TOX2: variants seen among roughly 807,000 people sequenced by gnomAD.
The protein encoded by TOX2 is granulosa cell HMG box 1.
Under a neutral mutation model 47.4 loss-of-function variants are expected in TOX2, and 15 were observed. The observed-to-expected ratio is 0.32, with a 90% confidence interval of 0.21 to 0.49. TOX2 has a LOEUF of 0.49. Ranked by LOEUF, TOX2 falls within the 20% of genes least tolerant of loss-of-function variation. TOX2 has a pLI of 0.99. For missense variants in TOX2, 622 were observed against 673.1 expected (o/e 0.92, Z 0.84); for synonymous variants, 290 against 296.6 (o/e 0.98, Z 0.23).
At chr20:43,983,520 C>T (rs1213049469) in intron 2 of TOX2, among the ~76,000 whole-genome samples, 2 of 152,164 alleles carry the variant, frequency 1.3e-5, no homozygotes, top group African/African-American at 4.8e-5. Flanking sequence ...CTTGCGGCCT[C>T]AAAGTCACAG....
intron 1 of TOX2, among the ~76,000 whole-genome samples, chr20:43,937,918 A>G (rs1350480051): frequency 6.6e-6 from 1 of 152,090 alleles, no homozygotes; most frequent in Non-Finnish European, 1.5e-5. Flanking sequence ...AAATGGGAGG[A>G]GTCTGGAGTG....
intron 1 of TOX2, among the ~76,000 whole-genome samples, chr20:43,917,515 G>T (rs1181296810): frequency 6.6e-6 from 1 of 152,160 alleles, no homozygotes; most frequent in Admixed American, 6.5e-5. Flanking sequence ...CGTTGCACAG[G>T]GAGCCAGGCT....
chr20:43,938,505 A>AG (rs2069358483), intron 1 of TOX2, among the ~76,000 whole-genome samples: 1 of 152,184 alleles, frequency 6.6e-6, no homozygotes, highest in African/African-American at 2.4e-5. Context: ...GTGCACTAGG[A>AG]GTTATCAGGA....
chr20:43,995,742 T>G (rs941328306), intron 2 of TOX2, among the ~76,000 whole-genome samples: 1 of 152,214 alleles, frequency 6.6e-6, no homozygotes, highest in East Asian at 1.9e-4. Flanking sequence ...AGCTCTCACT[T>G]GTGAGTGAGA....
chr20:43,924,401 T>A (rs1476090182), intron 1 of TOX2, among the ~76,000 whole-genome samples: 1 of 152,172 alleles, frequency 6.6e-6, no homozygotes, highest in African/African-American at 2.4e-5. Flanking sequence ...AGGGTGGGAT[T>A]CCAGAGTCCT....
At chr20:43,957,810 C>T (rs764558186) in intron 1 of TOX2, among the ~76,000 whole-genome samples, 12 of 152,080 alleles carry the variant, frequency 7.9e-5, no homozygotes, top group African/African-American at 1.4e-4. Flanking sequence ...AACTTACAAC[C>T]GTGGCAGAAG....
intron 2 of TOX2, among the ~76,000 whole-genome samples, chr20:44,001,088 T>C (rs1229856501): frequency 6.6e-6 from 1 of 152,220 alleles, no homozygotes. Flanking sequence ...ATTTTACTAA[T>C]ATTTTTAACT....
chr20:44,060,646 G>A (rs996668394), intron 5 of TOX2, among the ~76,000 whole-genome samples: 7 of 152,116 alleles, frequency 4.6e-5, no homozygotes, highest in African/African-American at 1.7e-4. Context: ...TAAATAACCT[G>A]CTCCTGAATG....
chr20:44,051,438 A>G lies in TOX2; in HGVS notation c.544A>G (p.Ile182Val), dbSNP rs368511505. The change falls in exon 4 of 9, where the codon ATC becomes GTC. Residue 182 changes from isoleucine to valine, a missense_variant. Coordinates refer to ENST00000341197, the MANE Select transcript of TOX2 (RefSeq NM_001098797.2). Reference sequence around the variant, plus strand: ...GTCCCAGCTCATCTCGCAGATGGGCATCCGGAGCAGCATCGCCCACAGCTC... The same window carrying G: ...GTCCCAGCTCATCTCGCAGATGGGCGTCCGGAGCAGCATCGCCCACAGCTC... ...SQSQLISQMG[I>V]RSSIAHSSPS... The G allele has an allele frequency of 4.4e-5, 71 of 1,613,974 alleles. No homozygotes were observed. Among genetic ancestry groups the G allele is most frequent in the Non-Finnish European group, 6.0e-5 (71 of 1,179,986 alleles).
At chr20:44,067,269 G>A (rs904479672) in intron 8 of TOX2, among the ~76,000 whole-genome samples, 1 of 152,100 alleles carries the variant, frequency 6.6e-6, no homozygotes, top group Admixed American at 6.5e-5. Context: ...AGGACAGGGT[G>A]GGGGAAGGAG....
chr20:43,993,979 C>T (rs2070417455), intron 2 of TOX2, among the ~76,000 whole-genome samples: 1 of 151,546 alleles, frequency 6.6e-6, no homozygotes, highest in African/African-American at 2.4e-5. Context: ...ATAGCAAGAC[C>T]CGGTCTCTAC....
At chr20:43,927,841 G>A in intron 1 of TOX2, among the ~76,000 whole-genome samples, 1 of 142,710 alleles carries the variant, frequency 7.0e-6, no homozygotes, top group Admixed American at 7.4e-5. Context: ...ACTGCCTGCT[G>A]TATGCAAGGC....
At chr20:43,942,507 AT>A (rs2069414669) in intron 1 of TOX2, among the ~76,000 whole-genome samples, 1 of 152,252 alleles carries the variant, frequency 6.6e-6, no homozygotes, top group East Asian at 1.9e-4. Context: ...GTGAGACCCT[AT>A]TTTTACAAAA....
intron 3 of TOX2, among the ~76,000 whole-genome samples, chr20:44,009,607 C>T (rs1431622887): frequency 6.6e-6 from 1 of 152,174 alleles, no homozygotes; most frequent in Non-Finnish European, 1.5e-5. Flanking sequence ...TGGCAATGAG[C>T]TTGAGCAGTA....
intron 5 of TOX2, among the ~76,000 whole-genome samples, chr20:44,061,155 A>T (rs2071711826): frequency 6.6e-6 from 1 of 152,124 alleles, no homozygotes; most frequent in Non-Finnish European, 1.5e-5. Flanking sequence ...CCTAGAGGAG[A>T]TGGATAAATT....
chr20:44,017,319 G>A (rs756364477), intron 3 of TOX2, among the ~76,000 whole-genome samples: 8 of 152,196 alleles, frequency 5.3e-5, no homozygotes, highest in South Asian at 2.1e-4. Flanking sequence ...AGCTGTGGAC[G>A]ATTGAAAGAT....
intron 6 of TOX2, among the ~76,000 whole-genome samples, chr20:44,065,154 GT>G (rs1454299528): frequency 6.6e-6 from 1 of 152,222 alleles, no homozygotes; most frequent in East Asian, 1.9e-4. Flanking sequence ...AGTTTTGCCA[GT>G]TTTATGTGGC....
intron 1 of TOX2, among the ~76,000 whole-genome samples, chr20:43,969,874 G>T (rs1237391331): frequency 6.6e-6 from 1 of 152,204 alleles, no homozygotes; most frequent in African/African-American, 2.4e-5. Flanking sequence ...GAATAAAGGA[G>T]TGAATGAATA....
chr20:43,947,960 G>A (rs1285312417), intron 1 of TOX2, among the ~76,000 whole-genome samples: 1 of 152,230 alleles, frequency 6.6e-6, no homozygotes, highest in Non-Finnish European at 1.5e-5. Flanking sequence ...AGCTGAGCCA[G>A]GTTTAAGACC....
Sources: gnomAD v4.1 joint callset for allele counts (sites outside exome capture counted in the v4.1 genomes callset) on GRCh38, gnomAD v4.1.1 for gene constraint, MANE v1.5 for transcripts, NCBI Gene and HGNC (gene_info 2026-07-23, HGNC 2026-07-21) for gene names.